FRMD4B: variants seen among roughly 807,000 people sequenced by gnomAD.
FRMD4B encodes the protein FERM domain-containing protein 4B.
A neutral mutation model predicts 141.5 loss-of-function variants in FRMD4B; 74 were observed. That is an observed-to-expected ratio of 0.52 (90% CI 0.43 to 0.63). The LOEUF (loss-of-function observed/expected upper bound fraction) is 0.63. FRMD4B is among the 30% of genes least tolerant of loss of function. FRMD4B has a pLI of 0.00. For synonymous variants in FRMD4B, 506 were observed against 467.9 expected (o/e 1.08, Z -1.05); for missense variants, 1,366 against 1,253.4 (o/e 1.09, Z -1.36).
intron 1 of FRMD4B, among the ~76,000 whole-genome samples, chr3:69,456,251 T>A (rs62252294): frequency 6.9e-5 from 8 of 115,268 alleles, no homozygotes; most frequent in African/African-American, 1.0e-4. Flanking sequence ...TTGCACAAAG[T>A]AAGAAAAAAA....
chr3:69,413,120 A>C (rs1704788807), intron 2 of FRMD4B, among the ~76,000 whole-genome samples: 1 of 152,162 alleles, frequency 6.6e-6, no homozygotes, highest in African/African-American at 2.4e-5. Context: ...TATAGTAGGC[A>C]TAAGAGTCAG....
chr3:69,250,546 A>G (rs1346926826), intron 5 of FRMD4B, among the ~76,000 whole-genome samples: 1 of 152,128 alleles, frequency 6.6e-6, no homozygotes, highest in East Asian at 1.9e-4. Flanking sequence ...GTATACACAC[A>G]ATGTAAATAT....
intron 1 of FRMD4B, among the ~76,000 whole-genome samples, chr3:69,328,465 A>G (rs1702255317): frequency 6.6e-6 from 1 of 152,162 alleles, no homozygotes; most frequent in Admixed American, 6.5e-5. Flanking sequence ...GAGTGACTCC[A>G]TCTTGAATAG....
At chr3:69,276,013 C>A (rs1002108626) in intron 5 of FRMD4B, among the ~76,000 whole-genome samples, 1 of 152,104 alleles carries the variant, frequency 6.6e-6, no homozygotes, top group African/African-American at 2.4e-5. Flanking sequence ...CTTCTTTTAA[C>A]ATTTAACAAC....
At chr3:69,316,857 C>T (rs1701817547) in intron 1 of FRMD4B, among the ~76,000 whole-genome samples, 1 of 152,212 alleles carries the variant, frequency 6.6e-6, no homozygotes, top group African/African-American at 2.4e-5. Flanking sequence ...TGTGTTGGCT[C>T]ACACCTGTAA....
intron 7 of FRMD4B, among the ~76,000 whole-genome samples, chr3:69,237,575 G>C (rs2106675792): frequency 6.6e-6 from 1 of 152,228 alleles, no homozygotes; most frequent in East Asian, 1.9e-4. Flanking sequence ...TGGGGGTTTA[G>C]GTGTGAGCAT....
chr3:69,280,014 T>G (rs2093637460), intron 5 of FRMD4B, among the ~76,000 whole-genome samples: 1 of 151,974 alleles, frequency 6.6e-6, no homozygotes, highest in African/African-American at 2.4e-5. Context: ...AAAGGGGGTG[T>G]GGTGGTCCAT....
intron 1 of FRMD4B, among the ~76,000 whole-genome samples, chr3:69,472,925 C>CTATTTTTTTTTTTTTTT (rs1705918938): frequency 1.1e-5 from 1 of 90,916 alleles, no homozygotes; most frequent in African/African-American, 4.8e-5. Context: ...GTGAGTCTTT[C>CTATTTTTTTTTTTTTTT]TTTTTTTTTT....
intron 1 of FRMD4B, among the ~76,000 whole-genome samples, chr3:69,434,225 A>T (rs972330911): frequency 2.6e-5 from 4 of 152,238 alleles, no homozygotes; most frequent in African/African-American, 9.6e-5. Context: ...TCACAAAGGC[A>T]GAAAAAAGAG....
At chr3:69,256,575 C>A (rs1283199979) in intron 5 of FRMD4B, among the ~76,000 whole-genome samples, 1 of 152,206 alleles carries the variant, frequency 6.6e-6, no homozygotes, top group Non-Finnish European at 1.5e-5. Flanking sequence ...CTGCCTTGGC[C>A]TCCCAAAGTG....
At chr3:69,533,650 C>CAA (rs1701037448) in intron 1 of FRMD4B, among the ~76,000 whole-genome samples, 1 of 152,172 alleles carries the variant, frequency 6.6e-6, no homozygotes, top group Non-Finnish European at 1.5e-5. Context: ...GAAATCTCCA[C>CAA]TTTGGCCTTT....
At chr3:69,366,708 C>T (rs17005696) in intron 1 of FRMD4B, among the ~76,000 whole-genome samples, 27,019 of 151,906 alleles carry the variant, frequency 0.18, 2,643 homozygotes, top group African/African-American at 0.26. Context: ...AGAGCACAAA[C>T]ACGACCTTTT....
At chr3:69,453,993 G>A (rs1177214914) in intron 1 of FRMD4B, among the ~76,000 whole-genome samples, 1 of 152,206 alleles carries the variant, frequency 6.6e-6, no homozygotes, top group Non-Finnish European at 1.5e-5. Context: ...CTGGATCACA[G>A]TGGTGGGCTG....
chr3:69,375,673 A>C (rs1218171658), intron 1 of FRMD4B, among the ~76,000 whole-genome samples: 1 of 144,880 alleles, frequency 6.9e-6, no homozygotes, highest in Non-Finnish European at 1.5e-5. Context: ...TCTTAAAATA[A>C]AGCAGCAAAT....
chr3:69,348,189 A>G (rs1421020693), intron 1 of FRMD4B, among the ~76,000 whole-genome samples: 1 of 152,250 alleles, frequency 6.6e-6, no homozygotes, highest in East Asian at 1.9e-4. Flanking sequence ...CTACCATCAG[A>G]GAATACTATA....
intron 19 of FRMD4B, among the ~76,000 whole-genome samples, chr3:69,183,281 T>C (rs1037351497): frequency 2.6e-5 from 4 of 152,068 alleles, no homozygotes; most frequent in South Asian, 2.1e-4. Context: ...TTGTAAAATA[T>C]TATTGCTTTT....
chr3:69,512,344 G>C (rs1253734283), intron 1 of FRMD4B, among the ~76,000 whole-genome samples: 1 of 152,208 alleles, frequency 6.6e-6, no homozygotes, highest in African/African-American at 2.4e-5. Context: ...ACTTTCTTGG[G>C]TTAACCGCAT....
At position 69,229,015 on chromosome 3, in the gene FRMD4B, G is replaced by GTT. The variant is rs58912710; in HGVS notation, c.582-4327_582-4326dup. ...AATCTTGACTATCCCTCAAAATCATGTTTTTTTTTTTTTTTTTGTTTTGTT... is the reference window on the plus strand; with the variant it reads ...AATCTTGACTATCCCTCAAAATCATGTTTTTTTTTTTTTTTTTTTGTTTTGTT... On this transcript the variant is annotated intron_variant, in intron 7 of 22. Transcript: ENST00000398540. 8.2e-3 allele frequency among the ~76,000 whole-genome samples: 997 copies of GTT among 120,902 alleles called. 25 individuals are homozygous for GTT. Among genetic ancestry groups the GTT allele is most frequent in the South Asian group, 0.018 (65 of 3,588 alleles). The allele number at this position is 120,902 out of a possible 152,430, so 79.3% of individuals were successfully genotyped here.
chr3:69,180,573 C>T (rs1323404243), intron 21 of FRMD4B, among the ~76,000 whole-genome samples: 5 of 151,712 alleles, frequency 3.3e-5, no homozygotes, highest in Non-Finnish European at 5.9e-5. Flanking sequence ...CCAGCCTAGG[C>T]GACAGAGTGA....
Sources: allele counts gnomAD v4.1 joint callset (sites outside exome capture counted in the v4.1 genomes callset), GRCh38; gene constraint gnomAD v4.1.1; transcripts MANE v1.5; gene names NCBI Gene and HGNC (gene_info 2026-07-23, HGNC 2026-07-21).